Variants in CYP4B1 observed in about 807,000 individuals in gnomAD.
CYP4B1 encodes the protein cytochrome P450 4B1.
CYP4B1 carries 45 observed loss-of-function variants against 54.0 expected under a neutral mutation model. That is an observed-to-expected ratio of 0.83 (90% CI 0.66 to 1.07). The LOEUF (loss-of-function observed/expected upper bound fraction) is 1.07, where lower values mean the gene tolerates loss of function less well. Among genes scored for constraint, CYP4B1 ranks in the 50% least tolerant of loss-of-function variants. The pLI is 0.00. For synonymous variants in CYP4B1, 248 were observed against 247.5 expected (o/e 1.00, Z -0.02); for missense variants, 656 against 655.4 (o/e 1.00, Z -0.01).
At chr1:46,812,276 T>C (rs1321347382) in intron 3 of CYP4B1, 1 of 681,838 alleles carries the variant, frequency 1.5e-6, no homozygotes, top group Admixed American at 2.0e-5. Context: ...AACTGAGTTA[T>C]CCTGTCCTAA....
chr1:46,815,248 C>G lies in CYP4B1; in HGVS notation c.1057C>G (p.Gln353Glu), dbSNP rs1679291588. 1.9e-6 allele frequency: 3 copies of G among 1,567,476 alleles called. No individual in the cohort carries two copies. Among genetic ancestry groups the G allele is most frequent in the Non-Finnish European group, 2.6e-6 (3 of 1,155,258 alleles). ...GGAGGTCCGCGAGATCCTAGGGGAC[C>G]AGGACTTCTTCCAGTGGTGAGTCTG... ...REEVREILGD[Q>E]DFFQWDDLGK... is the part of the protein sequence containing the mutation. The change falls in exon 8 of 12, where the codon CAG becomes GAG. Residue 353 changes from glutamine (Q) to glutamate (E), a missense_variant. Coordinates refer to ENST00000371923, the MANE Select transcript of CYP4B1 (RefSeq NM_001099772.2).
chr1:46,813,955 A>T lies in CYP4B1; in HGVS notation c.667A>T (p.Met223Leu). The part of the protein sequence containing the change: ...YLAVSDLTLL[M>L]QQRLVSFQYH... Reference sequence around the variant, plus strand: ...TGCAGTCAGCGATCTCACTCTGTTGATGCAGCAGCGCCTTGTGTCCTTCCA... The same window carrying T: ...TGCAGTCAGCGATCTCACTCTGTTGTTGCAGCAGCGCCTTGTGTCCTTCCA... The change falls in exon 6 of 12, where the codon ATG becomes TTG. Residue 223 changes from methionine to leucine, a missense_variant. Transcript: ENST00000371923. 2 of 1,614,122 alleles carry T rather than the reference A, an allele frequency of 1.2e-6. No homozygotes were observed. Among genetic ancestry groups the T allele is most frequent in the African/African-American group, 1.3e-5 (1 of 75,020 alleles).
At chr1:46,800,298 C>CTTTCTCCCTTCTTTCT (rs1553130209) in intron 1 of CYP4B1, among the ~76,000 whole-genome samples, 1 of 87,928 alleles carries the variant, frequency 1.1e-5, no homozygotes, top group Non-Finnish European at 2.1e-5. Flanking sequence ...TCCTTCCTTC[C>CTTTCTCCCTTCTTTCT]TTCTTTCCTT....
At chr1:46,812,963 T>C (rs1306675243) in intron 4 of CYP4B1, among the ~76,000 whole-genome samples, 1 of 152,078 alleles carries the variant, frequency 6.6e-6, no homozygotes, top group Admixed American at 6.5e-5. Flanking sequence ...TATTTGAGAG[T>C]ATGGGGAAAG....
chr1:46,814,624 A>G (rs1449576652), intron 7 of CYP4B1: 9 of 364,330 alleles, frequency 2.5e-5, no homozygotes, highest in Non-Finnish European at 5.0e-6. Context: ...TCATTCATTC[A>G]TTCATTCAGT....
intron 1 of CYP4B1, among the ~76,000 whole-genome samples, chr1:46,800,957 G>A (rs590582): frequency 2.6e-5 from 4 of 152,074 alleles, no homozygotes; most frequent in African/African-American, 9.7e-5. Flanking sequence ...TGCCTTAGCC[G>A]CATTATTTTG....
intron 1 of CYP4B1, among the ~76,000 whole-genome samples, chr1:46,810,355 A>G (rs1277131259): frequency 6.6e-6 from 1 of 152,224 alleles, no homozygotes; most frequent in African/African-American, 2.4e-5. Context: ...CATTCCCCTG[A>G]GATGTCTAGA....
chr1:46,818,094 A>C, intron 10 of CYP4B1, 37 bp from the exon 11 acceptor site: 1 of 1,613,398 alleles, frequency 6.2e-7, no homozygotes, highest in Non-Finnish European at 8.5e-7. Context: ...CCTCTGCCAG[A>C]ACCTGGCGAG....
chr1:46,815,698 A>C (rs1328618871), intron 8 of CYP4B1, among the ~76,000 whole-genome samples: 1 of 152,150 alleles, frequency 6.6e-6, no homozygotes, highest in South Asian at 2.1e-4. Context: ...CAGATGCCAT[A>C]TCTCTCCTGC....
chr1:46,813,699 A>T, intron 5 of CYP4B1, 93 bp downstream of exon 5: 1 of 1,560,556 alleles, frequency 6.4e-7, no homozygotes, highest in South Asian at 1.2e-5. Context: ...CTGAGAAGAG[A>T]TAGGGTCCTG....
At chr1:46,810,292 C>G (rs907462275) in intron 1 of CYP4B1, among the ~76,000 whole-genome samples, 3 of 152,178 alleles carry the variant, frequency 2.0e-5, no homozygotes, top group South Asian at 2.1e-4. Context: ...TAATTGTCTA[C>G]TTGTCTATTA....
intron 3 of CYP4B1, among the ~76,000 whole-genome samples, chr1:46,811,575 G>A (rs947039545): frequency 2.0e-5 from 3 of 152,218 alleles, no homozygotes; most frequent in Non-Finnish European, 2.9e-5. Context: ...TGAGGCTGTC[G>A]GGGTGGCTAC....
intron 1 of CYP4B1, chr1:46,806,815 G>GA (rs1355629350): frequency 1.3e-5 from 2 of 152,166 alleles, no homozygotes; most frequent in East Asian, 1.9e-4. Flanking sequence ...TCCTTCTGGA[G>GA]AAAAAACAAG....
rs45582833 is a variant in CYP4B1, at chr1:46,818,472, C to A, written c.1356-159C>A. ...AATCTACCTGGTCTGGGACCCTCAC[C>A]ATGCTCCCAAGGTTTGTTTCATAAG... On this transcript the variant is annotated intron_variant, in intron 11 of 11. Transcript: ENST00000371923. Among the ~76,000 whole-genome samples the A allele has an allele frequency of 3.6e-3, 553 of 152,274 alleles. 2 individuals are homozygous for A. The highest frequency in any genetic ancestry group is 0.013 in the African/African-American group (527 of 41,554).
In CYP4B1 at chr1:46,803,505, A is replaced by T. The variant is rs1569858766; in HGVS notation, c.180+4244A>T. ...ACACAGCTGGACTAGAGCAGAATCTAGCGAAAGTCATCAAAGGAGAGCCAT... is the reference window on the plus strand; with the variant it reads ...ACACAGCTGGACTAGAGCAGAATCTTGCGAAAGTCATCAAAGGAGAGCCAT... On this transcript the variant is annotated intron_variant, in intron 1 of 11. Coordinates refer to ENST00000371923, the MANE Select transcript of CYP4B1 (RefSeq NM_001099772.2). Among the ~76,000 whole-genome samples, 6 of 152,354 alleles carry T rather than the reference A, an allele frequency of 3.9e-5. No individual in the cohort carries two copies. The South Asian group carries it at 1.2e-3, about 32-fold the overall frequency.
chr1:46,813,993 C>T lies in CYP4B1; in HGVS notation c.705C>T (p.Asp235=). 1 of 1,614,204 alleles carries T rather than the reference C, an allele frequency of 6.2e-7. No individual in the cohort carries two copies. Among genetic ancestry groups the T allele is most frequent in the Non-Finnish European group, 8.5e-7 (1 of 1,180,034 alleles). The change falls in exon 6 of 12, where the codon GAC becomes GAT. Residue 235 remains aspartate (D), a synonymous_variant. Coordinates refer to ENST00000371923, the MANE Select transcript of CYP4B1 (RefSeq NM_001099772.2). ...QRLVSFQYHN[D]FIYWLTPHGR... ...TTGTGTCCTTCCAGTACCATAATGA[C>T]TTCATCTACTGGCTCACCCCACATG...
intron 8 of CYP4B1, among the ~76,000 whole-genome samples, chr1:46,816,363 C>A (rs1410015010): frequency 6.6e-6 from 1 of 152,132 alleles, no homozygotes; most frequent in Non-Finnish European, 1.5e-5. Flanking sequence ...ACAATGTGAA[C>A]ACAACCCGAG....
intron 1 of CYP4B1, among the ~76,000 whole-genome samples, chr1:46,810,530 G>A (rs913340417): frequency 1.3e-5 from 2 of 152,228 alleles, no homozygotes; most frequent in East Asian, 1.9e-4. Flanking sequence ...CAGTGCAGTA[G>A]AGAGTTGGTG....
chr1:46,815,159 G>A lies in CYP4B1; in HGVS notation c.968G>A (p.Ser323Asn). 6.2e-7 allele frequency: 1 copy of A among 1,614,204 alleles called. No individual in the cohort carries two copies. Among genetic ancestry groups the A allele is most frequent in the East Asian group, 2.2e-5 (1 of 44,882 alleles). Residue 323 changes from serine to asparagine, a missense_variant, in exon 8 of 12, where the codon AGT (serine) becomes AAT (asparagine). By Grantham distance (46) the Ser-to-Asn change is conservative. Transcript: ENST00000371923. ...FMFEGHDTTT[S>N]GISWFLYCMA... ...TTTGAAGGCCATGACACCACCACCA[G>A]TGGTATCTCCTGGTTTCTCTACTGC...
Sources: allele counts gnomAD v4.1 joint callset (sites outside exome capture counted in the v4.1 genomes callset), GRCh38; gene constraint gnomAD v4.1.1; transcripts MANE v1.5; gene names NCBI Gene and HGNC (gene_info 2026-07-23, HGNC 2026-07-21).